Variants in MYH8 observed in about 807,000 individuals in gnomAD.
MYH8 encodes the protein myosin heavy chain 8.
Under a neutral mutation model 233.2 loss-of-function variants are expected in MYH8, and 168 were observed. That is an observed-to-expected ratio of 0.72 (90% CI 0.64 to 0.82). The LOEUF is 0.82. MYH8 is among the 40% of genes least tolerant of loss of function. The pLI is 0.00. For missense variants in MYH8, 1,995 were observed against 2,327.8 expected (o/e 0.86, Z 2.94); for synonymous variants, 785 against 850.6 (o/e 0.92, Z 1.34).
chr17:10,420,030 A>G lies in MYH8; in HGVS notation c.198T>C (p.Thr66=). 2 of 1,614,134 alleles carry G rather than the reference A, an allele frequency of 1.2e-6. No homozygotes were observed. Among genetic ancestry groups the G allele is most frequent in the South Asian group, 2.2e-5 (2 of 91,082 alleles). ...SKEGGKVTVK[T]EGGATLTVRE... ...TGTTTTCACTTACTGCTCCACCTTC[A>G]GTCTTTACGGTTACTTTCCCTCCTT... The change falls in exon 3 of 40, where the codon ACT becomes ACC. Residue 66 remains threonine, a synonymous_variant. Transcript: ENST00000403437.
intron 22 of MYH8, 86 bp from the exon 23 acceptor site, chr17:10,401,871 A>G: frequency 6.4e-7 from 1 of 1,551,222 alleles, no homozygotes; most frequent in Non-Finnish European, 8.9e-7. Context: ...ATAGTGTTTT[A>G]TTGAATTCTG....
chr17:10,406,106 T>G lies in MYH8; in HGVS notation c.2367A>C (p.Thr789=). ...ATCCCCTACAGACAGCTTGTGTTCT[T>G]GTTATAATTTGGGCTAATTTTTCAT... ...MRDEKLAQII[T]RTQAVCRGFL... Residue 789 remains threonine (T), a synonymous_variant, in exon 21 of 40, where the codon ACA becomes ACC. Transcript: ENST00000403437. 1 of 1,614,156 alleles carries G rather than the reference T, an allele frequency of 6.2e-7. No individual in the cohort carries two copies. Among genetic ancestry groups the G allele is most frequent in the Non-Finnish European group, 8.5e-7 (1 of 1,180,014 alleles).
rs1372857923 is a variant in MYH8 at position 10,420,001 on chromosome 17, T to C, written c.210+17A>G. 6.2e-7 allele frequency: 1 copy of C among 1,611,834 alleles called. No homozygotes were observed. The highest frequency in any genetic ancestry group is 1.7e-5 in the Admixed American group (1 of 60,028). On this transcript the variant is annotated intron_variant, in intron 3 of 39. Transcript: ENST00000403437. ...AAGAAATAAAATGGGGAGTATTTTC[T>C]CCCTGTTTTCACTTACTGCTCCACC...
chr17:10,412,721 G>A lies in MYH8; in HGVS notation c.1155C>T (p.Asp385=), dbSNP rs140617211. ...TCAGACTCTGGAGATAGGCTGCCTT[G>A]TCAGCGACTGCAGAGACACAGTTCA... is the stretch of plus-strand genomic sequence containing the variant. ...QAEPDGTEVA[D]KAAYLQSLNS... Residue 385 remains aspartate (D), a synonymous_variant, in exon 13 of 40, where the codon GAC becomes GAT. Coordinates refer to ENST00000403437, the MANE Select transcript of MYH8 (RefSeq NM_002472.3). 2.2e-5 allele frequency: 36 copies of A among 1,612,740 alleles called. No individual in the cohort carries two copies. Among genetic ancestry groups the A allele is most frequent in the African/African-American group, 1.3e-4 (10 of 74,892 alleles).
rs567265344 is a variant in MYH8, at chr17:10,391,752, A to G, written c.5664+130T>C. 1.3e-4 allele frequency: 100 copies of G among 755,522 alleles called. 1 individual carries two copies. Among genetic ancestry groups the G allele is most frequent in the South Asian group, 1.2e-3 (84 of 67,616 alleles). 46.8% of individuals were successfully genotyped at this position (755,522 alleles called of 1,614,324 possible). ...GATTTGGCGGGACAAATTCATATTT[A>G]TAAAATCATCCCTCTTAAAATGAGT... On this transcript the variant is annotated intron_variant, in intron 39 of 39. Coordinates refer to ENST00000403437, the MANE Select transcript of MYH8 (RefSeq NM_002472.3).
At position 10,414,054 on chromosome 17, in the gene MYH8, T is replaced by A; in HGVS notation, c.1009-14A>T. 6.2e-7 allele frequency: 1 copy of A among 1,613,994 alleles called. No homozygotes were observed. Among genetic ancestry groups the A allele is most frequent in the African/African-American group, 1.3e-5 (1 of 74,998 alleles). On this transcript the variant is annotated splice_polypyrimidine_tract_variant and intron_variant, in intron 11 of 39. Coordinates refer to ENST00000403437, the MANE Select transcript of MYH8 (RefSeq NM_002472.3). ...GTCAATGGCACTCTACCAGGAAAAATGAGAGGACAAAAGTTAGGGCTGAAG... is the reference window on the plus strand; with the variant it reads ...GTCAATGGCACTCTACCAGGAAAAAAGAGAGGACAAAAGTTAGGGCTGAAG...
chr17:10,392,839 C>T lies in MYH8; in HGVS notation c.5455G>A (p.Glu1819Lys), dbSNP rs752544677. Residue 1819 changes from glutamate (E) to lysine (K), a missense_variant, in exon 37 of 40, where the codon GAG becomes AAG. By Grantham distance (56) the Glu-to-Lys change is moderately conservative. Around this residue, in one of 3 missense-constraint regions of MYH8, gnomAD observed 1,498 missense variants for 1,680.9 expected, o/e 0.89. Coordinates refer to ENST00000403437, the MANE Select transcript of MYH8 (RefSeq NM_002472.3). ...KGGKKQIQKLEARVRELEGEV... is the reference protein window; with the variant it reads ...KGGKKQIQKLKARVRELEGEV... Reference sequence around the variant, plus strand: ...GAGATTGAGACACCCACCCTGGCCTCCAGTTTCTGGATCTGCTTCTTCCCA... The same window carrying T: ...GAGATTGAGACACCCACCCTGGCCTTCAGTTTCTGGATCTGCTTCTTCCCA... The T allele has an allele frequency of 1.8e-5, 29 of 1,614,008 alleles. No individual in the cohort carries two copies. Among genetic ancestry groups the T allele is most frequent in the Non-Finnish European group, 2.4e-5 (28 of 1,180,016 alleles).
At chr17:10,405,505 A>C (rs1294587856) in intron 21 of MYH8, among the ~76,000 whole-genome samples, 1 of 152,248 alleles carries the variant, frequency 6.6e-6, no homozygotes, top group South Asian at 2.1e-4. Flanking sequence ...GTGCAGGCCT[A>C]AATGATTACA....
At chr17:10,391,809 G>T in intron 39 of MYH8, 73 bp downstream of exon 39, 1 of 1,092,142 alleles carries the variant, frequency 9.2e-7, no homozygotes, top group Non-Finnish European at 1.4e-6. Context: ...CTTCCTTATT[G>T]ACGCATTCTC....
chr17:10,418,329 G>A (rs2072305487), intron 5 of MYH8, among the ~76,000 whole-genome samples: 2 of 152,192 alleles, frequency 1.3e-5, no homozygotes, highest in African/African-American at 4.8e-5. Context: ...ATCCAAATTG[G>A]AAAGTAACAA....
At position 10,401,396 on chromosome 17, in the gene MYH8, G is replaced by C. The variant is rs75477725; in HGVS notation, c.2987C>G (p.Ser996Cys). The change falls in exon 24 of 40, where the codon TCC becomes TGC. Residue 996 changes from serine to cysteine, a missense_variant. Coordinates refer to ENST00000403437, the MANE Select transcript of MYH8 (RefSeq NM_002472.3). ...CTCTTGGAGAGCCTTCTTCTCCTTG[G>C]ACAGTTTTGCAATGGTTTCATCCAG... ...AGLDETIAKL[S>C]KEKKALQETH... 105 of 1,613,844 alleles carry C rather than the reference G, an allele frequency of 6.5e-5. 1 individual carries two copies. The East Asian group carries it at 2.3e-3, about 35-fold the overall frequency.
rs142073810 is a variant in MYH8, at chr17:10,400,593, G to A, written c.3532C>T (p.Arg1178Cys). 879 of 1,614,074 alleles carry A rather than the reference G, an allele frequency of 5.4e-4. 4 individuals carry two copies. Among genetic ancestry groups the A allele is most frequent in the Non-Finnish European group, 9.5e-5 (112 of 1,180,050 alleles). Residue 1178 changes from arginine (R) to cysteine (C), a missense_variant, in exon 27 of 40, where the codon CGC (arginine) becomes TGC (cysteine). By Grantham distance (180) the Arg-to-Cys change is radical. Around this residue, in one of 3 missense-constraint regions of MYH8, gnomAD observed 1,498 missense variants for 1,680.9 expected, o/e 0.89. Transcript: ENST00000403437. This position sits in a 1 kb window ranked among gnomAD's most constrained non-coding sequence, Gnocchi z 4.0. ...KKREAEFQKL[R>C]RDLEEATLQH... Reference sequence around the variant, plus strand: ...AGGGTGGCCTCCTCCAGGTCCCTGCGCAGTTTCTGAAACTCAGCCTCCCGC... The same window carrying A: ...AGGGTGGCCTCCTCCAGGTCCCTGCACAGTTTCTGAAACTCAGCCTCCCGC...
chr17:10,391,273 A>G (rs1174962849), intron 39 of MYH8, among the ~76,000 whole-genome samples: 1 of 152,148 alleles, frequency 6.6e-6, no homozygotes, highest in African/African-American at 2.4e-5. Flanking sequence ...CTAGAGGGAG[A>G]GGAATATTTA....
At chr17:10,403,654 A>G (rs955780071) in intron 22 of MYH8, among the ~76,000 whole-genome samples, 56 of 152,142 alleles carry the variant, frequency 3.7e-4, no homozygotes, top group African/African-American at 1.3e-3. Flanking sequence ...AAAGTTGCTG[A>G]AAAAAAGTGG....
intron 21 of MYH8, among the ~76,000 whole-genome samples, 175 bp downstream of exon 21, chr17:10,405,866 T>C (rs554540663): frequency 6.6e-6 from 1 of 152,252 alleles, no homozygotes; most frequent in African/African-American, 2.4e-5. Context: ...AGGAGAGAAG[T>C]TTTGAAAGGA....
intron 14 of MYH8, among the ~76,000 whole-genome samples, chr17:10,411,173 G>A (rs181639611): frequency 8.5e-5 from 13 of 152,118 alleles, no homozygotes; most frequent in African/African-American, 3.1e-4. Context: ...TCAAGAGATT[G>A]AGACCATCCT....
Position 10,398,956 on chromosome 17 carries a change from A to ATG in MYH8, c.3863-72_3863-71dup, listed in dbSNP as rs1175011036. 365 of 859,380 alleles carry ATG rather than the reference A, an allele frequency of 4.2e-4. 2 individuals are homozygous for ATG. The African/African-American group carries it at 5.2e-3, about 12-fold the overall frequency. 53.2% of individuals were successfully genotyped at this position (859,380 alleles called of 1,614,324 possible). A position where few individuals can be genotyped will look rare whatever the true frequency, so the allele number is the denominator to read the frequency against. On this transcript the variant is annotated intron_variant, in intron 28 of 39. Transcript: ENST00000403437. ...AAGCCTAAACCTTTTACATTTATAT[A>ATG]TGTGTGTGTGTATATATATATGTAT...
Position 10,394,519 on chromosome 17 carries a change from C to T in MYH8, c.4963-67G>A, listed in dbSNP as rs944840269. The T allele has an allele frequency of 9.0e-6, 14 of 1,559,632 alleles. No individual in the cohort carries two copies. The Admixed American group carries it at 2.0e-4, about 22-fold the overall frequency. ...GGATTTGAAGATCCCAGGAGATGAA[C>T]TGGGAGATTGTACTGGTGACAGGAA... On this transcript the variant is annotated intron_variant, in intron 34 of 39. Transcript: ENST00000403437.
At chr17:10,412,943 T>A (rs1461216878) in intron 12 of MYH8, among the ~76,000 whole-genome samples, 1 of 152,228 alleles carries the variant, frequency 6.6e-6, no homozygotes, top group East Asian at 1.9e-4. Context: ...AAGTAGTTTT[T>A]AAGAAATTTT....
Sources: gnomAD v4.1 joint callset for allele counts (sites outside exome capture counted in the v4.1 genomes callset) on GRCh38, gnomAD v4.1.1 for gene constraint, gnomAD v4.1.1 regional missense constraint, Gnocchi (gnomAD v3.1) non-coding constraint, MANE v1.5 for transcripts, NCBI Gene and HGNC (gene_info 2026-07-23, HGNC 2026-07-21) for gene names.